CEP89: variants seen among roughly 807,000 people sequenced by gnomAD.
CEP89 encodes centrosomal protein of 89 kDa.
Under a neutral mutation model 97.6 loss-of-function variants are expected in CEP89, and 95 were observed. The ratio of observed to expected loss-of-function variants is 0.97; its 90% confidence interval spans 0.82 to 1.15. The LOEUF (loss-of-function observed/expected upper bound fraction) is 1.15. Ranked by LOEUF, CEP89 falls within the 50% of genes most tolerant of loss-of-function variation. CEP89 has a pLI of 0.00. For missense variants in CEP89, 869 were observed against 947.7 expected, an observed-to-expected ratio of 0.92 and a Z score of 1.09; for synonymous variants, 354 against 349.1, an observed-to-expected ratio of 1.01 and a Z score of -0.16.
In CEP89 at chr19:32,884,788, C is replaced by T. The variant is rs1213058297; in HGVS notation, c.1966-2775G>A. On this transcript the variant is annotated intron_variant, in intron 17 of 18. Transcript: ENST00000305768. ...ATGTTGCCCAGGCTGATCTTGAACT[C>T]CTGGTCTCAAGCGATCCTACTACTT... 5.9e-5 allele frequency among the ~76,000 whole-genome samples: 9 copies of T among 152,132 alleles called. No individual in the cohort carries two copies. In the East Asian group the frequency reaches 1.7e-3, roughly 29 times the overall value.
Position 32,901,248 on chromosome 19 carries a change from T to C in CEP89, c.1730A>G (p.Asn577Ser), listed in dbSNP as rs746514877. The change falls in exon 15 of 19, where the codon AAT (asparagine) becomes AGT (serine). Residue 577 changes from asparagine (N) to serine (S), a missense_variant. Physicochemically the swap from Asn to Ser is conservative, Grantham distance 46. Transcript: ENST00000305768. Reference sequence around the variant, plus strand: ...TAAAGGAAAAAAAGACACAAACCTATTGATTTTCTGTGCTCGTTCAAGTTC... The same window carrying C: ...TAAAGGAAAAAAAGACACAAACCTACTGATTTTCTGTGCTCGTTCAAGTTC... The part of the protein sequence containing the change: ...EAELERAQKI[N>S]RKSQKKIEVL... The C allele has an allele frequency of 3.2e-5, 52 of 1,609,018 alleles. No individual in the cohort carries two copies. The highest frequency in any genetic ancestry group is 3.9e-5 in the Non-Finnish European group (46 of 1,178,886).
Position 32,879,339 on chromosome 19 carries a change from G to A in CEP89, c.2175C>T (p.Thr725=). 3 of 1,614,252 alleles carry A rather than the reference G, an allele frequency of 1.9e-6. No individual in the cohort carries two copies. The highest frequency in any genetic ancestry group is 2.5e-6 in the Non-Finnish European group (3 of 1,180,044). ...EGELEVIWES[T]FRENRRIREL... ...CTCGGATTCTTCGGTTTTCCCTGAA[G>A]GTAGATTCCCAAATAACTTCAAGTT... The change falls in exon 19 of 19, where the codon ACC becomes ACT. Residue 725 remains threonine (T), a synonymous_variant. Coordinates refer to ENST00000305768, the MANE Select transcript of CEP89 (RefSeq NM_032816.5).
chr19:32,919,090 T>C (rs1372571752), intron 12 of CEP89, among the ~76,000 whole-genome samples: 2 of 152,080 alleles, frequency 1.3e-5, no homozygotes, highest in African/African-American at 4.8e-5. Context: ...TTTCACCATG[T>C]TAGCCAGGAT....
intron 3 of CEP89, among the ~76,000 whole-genome samples, chr19:32,959,329 C>G (rs1204959726): frequency 6.6e-6 from 1 of 152,124 alleles, no homozygotes; most frequent in Admixed American, 6.6e-5. Context: ...TTGAGCTGTT[C>G]CTAGATGATT....
rs929591410 is a variant in CEP89, at chr19:32,902,010, C to CTG, written c.1566-600_1566-599dup. 3.6e-3 allele frequency among the ~76,000 whole-genome samples: 475 copies of CTG among 133,800 alleles called. 2 individuals carry two copies. Among genetic ancestry groups the CTG allele is most frequent in the East Asian group, 0.018 (80 of 4,338 alleles). 87.8% of individuals were successfully genotyped at this position (133,800 alleles called of 152,430 possible). ...TCTGTCTCTCTGTCTCTCTCTCTCT[C>CTG]TGTGTGTGTGTGTGTGTGTGTGTGT... On this transcript the variant is annotated intron_variant, in intron 14 of 18. Transcript: ENST00000305768.
At chr19:32,900,607 T>G (rs1969745504) in intron 15 of CEP89, among the ~76,000 whole-genome samples, 1 of 152,016 alleles carries the variant, frequency 6.6e-6, no homozygotes, top group Non-Finnish European at 1.5e-5. Context: ...CTGGCTTATG[T>G]TCTAAAAGGC....
At chr19:32,881,318 A>T (rs1005764911) in intron 18 of CEP89, among the ~76,000 whole-genome samples, 1 of 151,348 alleles carries the variant, frequency 6.6e-6, no homozygotes, top group African/African-American at 2.4e-5. Context: ...TAATAATAAT[A>T]ATAATAATAG....
intron 16 of CEP89, among the ~76,000 whole-genome samples, chr19:32,895,096 T>G (rs1969611393): frequency 6.6e-6 from 1 of 152,030 alleles, no homozygotes; most frequent in African/African-American, 2.4e-5. Flanking sequence ...CCAAAAAAAT[T>G]TAAGAGGAAG....
rs895412525 is a variant in CEP89 at position 32,936,547 on chromosome 19, T to C, written c.667+1084A>G. Among the ~76,000 whole-genome samples the C allele has an allele frequency of 2.0e-5, 3 of 152,112 alleles. No individual in the cohort carries two copies. Among genetic ancestry groups the C allele is most frequent in the Non-Finnish European group, 2.9e-5 (2 of 68,002 alleles). On this transcript the variant is annotated intron_variant, in intron 7 of 18. Transcript: ENST00000305768. This position sits in a 1 kb window ranked among gnomAD's most constrained non-coding sequence, Gnocchi z 4.5. ...TGCAGTAGGAACTTATGGTGCCTTT[T>C]CCAGGCCCACCCATGGCCACCCATG...
intron 9 of CEP89, among the ~76,000 whole-genome samples, chr19:32,927,463 G>C (rs957039353): frequency 1.3e-5 from 2 of 152,170 alleles, no homozygotes; most frequent in Admixed American, 1.3e-4. Flanking sequence ...AGTGTGCCTA[G>C]AGTAGCCTAT....
intron 13 of CEP89, among the ~76,000 whole-genome samples, chr19:32,917,196 T>C (rs190905944): frequency 2.0e-5 from 3 of 152,264 alleles, no homozygotes; most frequent in Middle Eastern, 3.4e-3. Context: ...AGGAAACTAA[T>C]GTCATCCCTA....
intron 4 of CEP89, among the ~76,000 whole-genome samples, chr19:32,951,010 T>C (rs1011547200): frequency 6.6e-6 from 1 of 152,178 alleles, no homozygotes; most frequent in African/African-American, 2.4e-5. Context: ...CTGTGGGAAG[T>C]AGTGACTAAG....
rs145640340 is a variant in CEP89 at position 32,879,063 on chromosome 19, C to T, written c.*99G>A. ...TGCCCTGCAGCGTTCAGTGGGCTTA[C>T]GCACCTCCGGCTGCCACCATGGGCT... is the stretch of plus-strand genomic sequence containing the variant. On this transcript the variant is annotated 3_prime_UTR_variant, in exon 19 of 19. Transcript: ENST00000305768. 85 of 893,184 alleles carry T rather than the reference C, an allele frequency of 9.5e-5. No homozygotes were observed. The Admixed American group carries it at 1.6e-3, about 17-fold the overall frequency. The allele number at this position is 893,184 out of a possible 1,614,324, so 55.3% of individuals were successfully genotyped here. A position where few individuals can be genotyped will look rare whatever the true frequency, so the allele number is the denominator to read the frequency against.
Position 32,923,609 on chromosome 19 carries a change from G to A in CEP89, c.1165-67C>T, listed in dbSNP as rs889787458. ...CGCATCTATATTTCTCAGTTCTGGT[G>A]CTGCTGCTGTGGCTAAAATCAAATG... On this transcript the variant is annotated intron_variant, in intron 11 of 18. Transcript: ENST00000305768. 4 of 1,027,030 alleles carry A rather than the reference G, an allele frequency of 3.9e-6. No homozygotes were observed. In the Admixed American group the frequency reaches 7.3e-5, roughly 19 times the overall value. 63.6% of individuals were successfully genotyped at this position (1,027,030 alleles called of 1,614,324 possible).
At chr19:32,912,393 T>C (rs747649923) in intron 14 of CEP89, among the ~76,000 whole-genome samples, 6 of 152,132 alleles carry the variant, frequency 3.9e-5, no homozygotes, top group African/African-American at 1.4e-4. Context: ...CTCTCAGTAA[T>C]GTAGGTGAGC....
At chr19:32,887,673 T>G (rs1969428567) in intron 17 of CEP89, 79 bp downstream of exon 17, 2 of 866,064 alleles carry the variant, frequency 2.3e-6, no homozygotes, top group African/African-American at 3.3e-5. Flanking sequence ...GGTGTCATTT[T>G]CTTAAACACA....
chr19:32,952,698 G>A (rs575005996), intron 4 of CEP89, among the ~76,000 whole-genome samples: 1 of 151,948 alleles, frequency 6.6e-6, no homozygotes, highest in East Asian at 1.9e-4. Context: ...GAGGTCAGGA[G>A]TTCAAGACCA....
At chr19:32,896,811 G>GCAAA (rs957798798) in intron 16 of CEP89, among the ~76,000 whole-genome samples, 1 of 149,784 alleles carries the variant, frequency 6.7e-6, no homozygotes, top group Non-Finnish European at 1.5e-5. Flanking sequence ...ACTCTTAATA[G>GCAAA]CAAACAAACA....
At chr19:32,929,978 A>G (rs926134424) in intron 9 of CEP89, among the ~76,000 whole-genome samples, 3 of 151,524 alleles carry the variant, frequency 2.0e-5, no homozygotes, top group Non-Finnish European at 4.4e-5. Context: ...GCAGGGGAAC[A>G]TAGGGAGTGA....
Sources: allele counts gnomAD v4.1 joint callset (sites outside exome capture counted in the v4.1 genomes callset), GRCh38; gene constraint gnomAD v4.1.1; non-coding constraint Gnocchi (gnomAD v3.1); transcripts MANE v1.5; gene names NCBI Gene and HGNC (gene_info 2026-07-23, HGNC 2026-07-21).